Variants in CBL observed in about 807,000 individuals in gnomAD.
CBL encodes Cbl proto-oncogene.
CBL carries 45 observed loss-of-function variants against 96.9 expected under a neutral mutation model. That is an observed-to-expected ratio of 0.46 (90% CI 0.37 to 0.60). The LOEUF is 0.60. Ranked by LOEUF, CBL falls within the 20% of genes least tolerant of loss-of-function variation. The pLI is 0.00. For missense variants in CBL, 1,024 were observed against 1,143.5 expected, an observed-to-expected ratio of 0.90 and a Z score of 1.51; for synonymous variants, 420 against 426.8, an observed-to-expected ratio of 0.98 and a Z score of 0.20.
At chr11:119,259,726 C>T (rs1379208919) in intron 2 of CBL, among the ~76,000 whole-genome samples, 1 of 152,084 alleles carries the variant, frequency 6.6e-6, no homozygotes, top group East Asian at 1.9e-4. Flanking sequence ...GATTGGGTCT[C>T]AAAGAGATGG....
chr11:119,234,972 G>A (rs1949531955), intron 2 of CBL, among the ~76,000 whole-genome samples: 1 of 152,196 alleles, frequency 6.6e-6, no homozygotes, highest in Admixed American at 6.5e-5. Context: ...GTTTGGTTTG[G>A]TTAGAATTGT....
At position 119,285,361 on chromosome 11, in the gene CBL, C is replaced by A. The variant is rs755812040; in HGVS notation, c.1736C>A (p.Pro579His). 1 of 1,614,172 alleles carries A rather than the reference C, an allele frequency of 6.2e-7. No homozygotes were observed. The highest frequency in any genetic ancestry group is 1.1e-5 in the South Asian group (1 of 91,084). ...GACTGTCCCTCCAGAGACAAACTGCCCCCTGTCCCCTCTAGCCGCCTTGGA... is the reference window on the plus strand; with the variant it reads ...GACTGTCCCTCCAGAGACAAACTGCACCCTGTCCCCTCTAGCCGCCTTGGA... ...PGDCPSRDKL[P>H]PVPSSRLGDS... The change falls in exon 11 of 16, where the codon CCC becomes CAC. Residue 579 changes from proline (P) to histidine (H), a missense_variant. By Grantham distance (77) the Pro-to-His change is moderately conservative. This residue lies in a region of CBL where 695 missense variants were observed against 661.6 expected (regional missense o/e 1.05). Transcript: ENST00000264033.
chr11:119,285,267 C>G lies in CBL; in HGVS notation c.1642C>G (p.Pro548Ala), dbSNP rs2135310411. 1.2e-6 allele frequency: 2 copies of G among 1,614,186 alleles called. No individual in the cohort carries two copies. The highest frequency in any genetic ancestry group is 1.7e-6 in the Non-Finnish European group (2 of 1,180,052). ...TLRDLPPPPPPDRPYSVGAES... is the reference protein window; with the variant it reads ...TLRDLPPPPPADRPYSVGAES... ...TCGAGATCTTCCACCACCACCGCCT[C>G]CAGACCGGCCATATTCTGTTGGAGC... Residue 548 changes from proline to alanine, a missense_variant, in exon 11 of 16, where the codon CCA becomes GCA. By Grantham distance (27) the Pro-to-Ala change is conservative. This residue lies in a region of CBL where 695 missense variants were observed against 661.6 expected (regional missense o/e 1.05). Coordinates refer to ENST00000264033, the MANE Select transcript of CBL (RefSeq NM_005188.4).
Position 119,287,894 on chromosome 11 carries a change from C to T in CBL, c.1984C>T (p.Pro662Ser). Residue 662 changes from proline to serine, a missense_variant, in exon 12 of 16, where the codon CCC (proline) becomes TCC (serine). This residue lies in a region of CBL where 695 missense variants were observed against 661.6 expected (regional missense o/e 1.05). Transcript: ENST00000264033. ...ATTAGTAGGTCCAGAGTGTGACCAC[C>T]CCAAAATCAAACCTTCCTCATCTGC... ...SPLVGPECDH[P>S]KIKPSSSANA... is the part of the protein sequence containing the mutation. 6.2e-7 allele frequency: 1 copy of T among 1,613,794 alleles called. No homozygotes were observed. The highest frequency in any genetic ancestry group is 1.1e-5 in the South Asian group (1 of 91,074).
At chr11:119,278,416 C>G in intron 8 of CBL, 94 bp from the exon 9 acceptor site, 1 of 1,541,012 alleles carries the variant, frequency 6.5e-7, no homozygotes, top group South Asian at 1.1e-5. Flanking sequence ...TAAACTTTTA[C>G]TTTTTTTTGA....
chr11:119,228,104 A>G (rs1054284837), intron 1 of CBL, among the ~76,000 whole-genome samples: 5 of 150,284 alleles, frequency 3.3e-5, no homozygotes, highest in Admixed American at 1.3e-4. Context: ...CTTTTAAAAT[A>G]TATGTATTTT....
chr11:119,278,599 T>C lies in CBL; in HGVS notation c.1317T>C (p.Ser439=), dbSNP rs764528022. 1 of 1,613,718 alleles carries C rather than the reference T, an allele frequency of 6.2e-7. No homozygotes were observed. Among genetic ancestry groups the C allele is most frequent in the East Asian group, 2.2e-5 (1 of 44,862 alleles). ...TAGATCCGTTTGATCCTAGAGGGAGTGGCAGCCTGTTGAGGCAAGGAGCAG... is the reference window on the plus strand; with the variant it reads ...TAGATCCGTTTGATCCTAGAGGGAGCGGCAGCCTGTTGAGGCAAGGAGCAG... ...IVVDPFDPRG[S]GSLLRQGAEG... Residue 439 remains serine (S), a synonymous_variant, in exon 9 of 16, where the codon AGT becomes AGC. Coordinates refer to ENST00000264033, the MANE Select transcript of CBL (RefSeq NM_005188.4).
chr11:119,291,700 C>T (rs530382559), intron 12 of CBL, among the ~76,000 whole-genome samples: 2 of 151,910 alleles, frequency 1.3e-5, no homozygotes, highest in Admixed American at 6.6e-5. Flanking sequence ...ACAGTGAGAC[C>T]GTGTCTCAAA....
At chr11:119,251,844 A>G (rs1949671828) in intron 2 of CBL, among the ~76,000 whole-genome samples, 1 of 152,206 alleles carries the variant, frequency 6.6e-6, no homozygotes, top group Non-Finnish European at 1.5e-5. Flanking sequence ...ATTGCCAACC[A>G]AGACTTGCTC....
chr11:119,242,871 T>C (rs1949598205), intron 2 of CBL, among the ~76,000 whole-genome samples: 1 of 152,120 alleles, frequency 6.6e-6, no homozygotes, highest in Non-Finnish European at 1.5e-5. Context: ...CTCTCAAATC[T>C]ATTTATGATG....
chr11:119,215,791 C>A (rs1949355087), intron 1 of CBL, among the ~76,000 whole-genome samples: 1 of 151,894 alleles, frequency 6.6e-6, no homozygotes, highest in Admixed American at 6.6e-5. Flanking sequence ...TGTGTCACTG[C>A]ACTCCAGCCT....
In CBL at chr11:119,300,051, C is replaced by G. The variant is rs1950091272; in HGVS notation, c.*270C>G. On this transcript the variant is annotated 3_prime_UTR_variant, in exon 16 of 16. Transcript: ENST00000264033. ...AGTGTGGATTATATTACATGATAAC[C>G]TACCTGGGGAACAGTCCAGAAAGCT... 1.7e-6 allele frequency: 1 copy of G among 578,066 alleles called. No homozygotes were observed. The highest frequency in any genetic ancestry group is 3.1e-6 in the Non-Finnish European group (1 of 324,022). The allele number at this position is 578,066 out of a possible 1,614,324, so 35.8% of individuals were successfully genotyped here. A position where few individuals can be genotyped will look rare whatever the true frequency, so the allele number is the denominator to read the frequency against.
At chr11:119,212,029 C>T (rs1949322965) in intron 1 of CBL, among the ~76,000 whole-genome samples, 2 of 152,098 alleles carry the variant, frequency 1.3e-5, no homozygotes, top group South Asian at 2.1e-4. Context: ...AAGTGATTCT[C>T]CTGCCTCAGC....
At position 119,300,145 on chromosome 11, in the gene CBL, T is replaced by G. The variant is rs893781492; in HGVS notation, c.*364T>G. 4.1e-6 allele frequency: 2 copies of G among 486,874 alleles called. No individual in the cohort carries two copies. Among genetic ancestry groups the G allele is most frequent in the Non-Finnish European group, 7.3e-6 (2 of 272,934 alleles). The allele number at this position is 486,874 out of a possible 1,614,324, so 30.2% of individuals were successfully genotyped here. On this transcript the variant is annotated 3_prime_UTR_variant, in exon 16 of 16. Coordinates refer to ENST00000264033, the MANE Select transcript of CBL (RefSeq NM_005188.4). Reference sequence around the variant, plus strand: ...ACTTCCTGGGTTAAGGATGTGGCCGTGTGTGTGTGTGTCTGCCTGTGGTTG... The same window carrying G: ...ACTTCCTGGGTTAAGGATGTGGCCGGGTGTGTGTGTGTCTGCCTGTGGTTG...
intron 15 of CBL, among the ~76,000 whole-genome samples, chr11:119,299,130 T>C (rs1266591635): frequency 6.6e-6 from 1 of 152,378 alleles, no homozygotes; most frequent in East Asian, 1.9e-4. Flanking sequence ...TTGCAACTTA[T>C]ATCTGTCTTT....
chr11:119,284,309 T>A (rs577385786), intron 9 of CBL, among the ~76,000 whole-genome samples: 39 of 152,212 alleles, frequency 2.6e-4, no homozygotes, highest in African/African-American at 7.9e-4. Flanking sequence ...CCTTTTTTTT[T>A]ATTTTATTTT....
At chr11:119,233,886 G>C (rs577611006) in intron 2 of CBL, among the ~76,000 whole-genome samples, 1 of 152,270 alleles carries the variant, frequency 6.6e-6, no homozygotes, top group South Asian at 2.1e-4. Context: ...GGCAACCCTA[G>C]CTTTCAATTA....
chr11:119,284,719 TAC>T, intron 9 of CBL, among the ~76,000 whole-genome samples: 1 of 152,322 alleles, frequency 6.6e-6, no homozygotes, highest in South Asian at 2.1e-4. Context: ...CTAGATAGAT[TAC>T]CTGTAGCTTG....
chr11:119,218,902 A>T (rs1225052236), intron 1 of CBL, among the ~76,000 whole-genome samples: 1 of 152,224 alleles, frequency 6.6e-6, no homozygotes, highest in African/African-American at 2.4e-5. Flanking sequence ...GTACAGTAAG[A>T]ATGAATCTTC....
Sources: gnomAD v4.1 joint callset for allele counts (sites outside exome capture counted in the v4.1 genomes callset) on GRCh38, gnomAD v4.1.1 for gene constraint, gnomAD v4.1.1 regional missense constraint, MANE v1.5 for transcripts, NCBI Gene and HGNC (gene_info 2026-07-23, HGNC 2026-07-21) for gene names.